Variants in COL25A1 observed in about 807,000 individuals in gnomAD.
COL25A1 encodes collagen type XXV alpha 1 chain, also known as collagen alpha-1(XXV) chain.
A neutral mutation model predicts 128.4 loss-of-function variants in COL25A1; 103 were observed. The observed-to-expected ratio is 0.80, with a 90% CI of 0.68 to 0.94. The LOEUF is 0.94. COL25A1 is among the 40% of genes least tolerant of loss of function. The pLI is 0.00. For missense variants in COL25A1, 745 were observed against 840.0 expected (o/e 0.89, Z 1.40); for synonymous variants, 279 against 277.2 (o/e 1.01, Z -0.06).
At chr4:109,101,397 AT>A (rs1478340663) in intron 3 of COL25A1, among the ~76,000 whole-genome samples, 2 of 152,202 alleles carry the variant, frequency 1.3e-5, no homozygotes, top group Non-Finnish European at 2.9e-5. Flanking sequence ...CTACAGTAAA[AT>A]GCCCCTGGTG....
At chr4:109,262,720 G>A (rs1193029783) in intron 3 of COL25A1, among the ~76,000 whole-genome samples, 1 of 151,988 alleles carries the variant, frequency 6.6e-6, no homozygotes, top group Non-Finnish European at 1.5e-5. Flanking sequence ...TCACAATATA[G>A]ACAAAACACT....
chr4:109,014,837 A>T (rs957268499), intron 5 of COL25A1, among the ~76,000 whole-genome samples: 1 of 152,216 alleles, frequency 6.6e-6, no homozygotes, highest in Non-Finnish European at 1.5e-5. Context: ...CATACAATGT[A>T]ACAAATTCGG....
chr4:109,215,077 T>C (rs1341075738), intron 3 of COL25A1, among the ~76,000 whole-genome samples: 1 of 152,198 alleles, frequency 6.6e-6, no homozygotes, highest in Non-Finnish European at 1.5e-5. Context: ...AGGAATTTTC[T>C]AGTTCTAGAA....
chr4:108,832,520 G>T, intron 31 of COL25A1, 87 bp from the exon 32 acceptor site: 2 of 815,110 alleles, frequency 2.5e-6, no homozygotes, highest in Non-Finnish European at 4.0e-6. Flanking sequence ...GGTGAATGGT[G>T]CCTAAGAATA....
At chr4:108,917,293 T>G (rs577389237) in intron 13 of COL25A1, among the ~76,000 whole-genome samples, 108 of 152,140 alleles carry the variant, frequency 7.1e-4, no homozygotes, top group Non-Finnish European at 1.3e-3. Flanking sequence ...CTGAAAGGGT[T>G]GAGTTACGTA....
At chr4:108,988,782 T>C (rs934263767) in intron 6 of COL25A1, among the ~76,000 whole-genome samples, 10 of 152,234 alleles carry the variant, frequency 6.6e-5, no homozygotes, top group East Asian at 3.8e-4. Context: ...ACATTTCACA[T>C]GCTCACCATT....
chr4:108,868,565 G>A (rs1307039760), intron 20 of COL25A1, among the ~76,000 whole-genome samples: 1 of 42,544 alleles, frequency 2.4e-5, no homozygotes, highest in African/African-American at 8.5e-5. Flanking sequence ...GAAAGAAAGA[G>A]AAAGAGAGAG....
At chr4:108,918,924 C>A (rs1745173850) in intron 12 of COL25A1, among the ~76,000 whole-genome samples, 1 of 152,176 alleles carries the variant, frequency 6.6e-6, no homozygotes, top group Admixed American at 6.5e-5. Flanking sequence ...AATAAGAAAG[C>A]TAATTATTAC....
intron 3 of COL25A1, among the ~76,000 whole-genome samples, chr4:109,262,063 C>A (rs1781493355): frequency 1.3e-5 from 2 of 152,038 alleles, no homozygotes; most frequent in Admixed American, 6.6e-5. Flanking sequence ...AAGTAGGGCA[C>A]TTTTCATCAA....
chr4:109,154,570 A>T (rs1388330879), intron 3 of COL25A1, among the ~76,000 whole-genome samples: 1 of 152,194 alleles, frequency 6.6e-6, no homozygotes, highest in Non-Finnish European at 1.5e-5. Context: ...TACAGACTTG[A>T]AGATGTTGGC....
At chr4:109,138,927 T>A (rs1053675931) in intron 3 of COL25A1, among the ~76,000 whole-genome samples, 1 of 152,152 alleles carries the variant, frequency 6.6e-6, no homozygotes, top group Admixed American at 6.5e-5. Context: ...CAGGATGGTC[T>A]TGATCTCCTG....
intron 3 of COL25A1, among the ~76,000 whole-genome samples, chr4:109,238,130 A>C (rs1270974724): frequency 6.6e-6 from 1 of 152,028 alleles, no homozygotes; most frequent in Non-Finnish European, 1.5e-5. Context: ...GTGGGTATAC[A>C]ACTATCTCTT....
intron 3 of COL25A1, among the ~76,000 whole-genome samples, chr4:109,180,124 C>A (rs78524918): frequency 0.023 from 3,469 of 152,226 alleles, 118 homozygotes; most frequent in African/African-American, 0.071. Context: ...ATCTTGCTCT[C>A]AGAGTTTATT....
rs112956590 is a variant in COL25A1, at chr4:108,975,974, C to T, written c.439-1415G>A. On this transcript the variant is annotated intron_variant, in intron 6 of 37. Coordinates refer to ENST00000399132, the MANE Select transcript of COL25A1 (RefSeq NM_198721.4). The stretch of plus-strand genomic sequence containing the variant: ...AGTCTTTTGTCAGATATATTTACTG[C>T]AAATATGTTTTCCCACTTTGTTTAC... Among the ~76,000 whole-genome samples, 386 of 152,168 alleles carry T rather than the reference C, an allele frequency of 2.5e-3. 1 individual carries two copies. The highest frequency in any genetic ancestry group is 8.9e-3 in the African/African-American group (369 of 41,536).
chr4:109,271,420 T>C (rs868702407), intron 3 of COL25A1, among the ~76,000 whole-genome samples: 5 of 152,346 alleles, frequency 3.3e-5, no homozygotes, highest in South Asian at 4.1e-4. Flanking sequence ...ATAAAGAGAA[T>C]AAATAGTCTT....
intron 3 of COL25A1, among the ~76,000 whole-genome samples, chr4:109,081,950 C>T (rs1763877648): frequency 6.6e-6 from 1 of 152,110 alleles, no homozygotes; most frequent in Non-Finnish European, 1.5e-5. Context: ...GTAATCCGCC[C>T]GCCTCAGCAT....
intron 10 of COL25A1, among the ~76,000 whole-genome samples, chr4:108,939,644 GATAA>G (rs760948693): frequency 2.0e-5 from 3 of 151,796 alleles, no homozygotes; most frequent in African/African-American, 4.8e-5. Flanking sequence ...CTGCTTCGTG[GATAA>G]ATATTTTCAT....
intron 3 of COL25A1, among the ~76,000 whole-genome samples, chr4:109,253,125 A>G (rs1014109069): frequency 6.6e-6 from 1 of 152,202 alleles, no homozygotes; most frequent in Admixed American, 6.5e-5. Flanking sequence ...AGAAAACTCA[A>G]ACTAAAGATT....
At chr4:109,084,396 G>A (rs772925108) in intron 3 of COL25A1, among the ~76,000 whole-genome samples, 31 of 152,096 alleles carry the variant, frequency 2.0e-4, no homozygotes, top group Non-Finnish European at 3.8e-4. Context: ...AAACTGTAAT[G>A]AAGGAAGCTG....
Sources: gnomAD v4.1 joint callset for allele counts (sites outside exome capture counted in the v4.1 genomes callset) on GRCh38, gnomAD v4.1.1 for gene constraint, MANE v1.5 for transcripts, NCBI Gene and HGNC (gene_info 2026-07-23, HGNC 2026-07-21) for gene names.